Variants in DHRS7C observed in about 807,000 individuals in gnomAD.
The protein encoded by DHRS7C is dehydrogenase/reductase 7C, also known as dehydrogenase/reductase SDR family member 7C.
Under a neutral mutation model 29.6 loss-of-function variants are expected in DHRS7C, and 28 were observed. That is an observed-to-expected ratio of 0.95 (90% CI 0.70 to 1.30). The LOEUF (loss-of-function observed/expected upper bound fraction) is 1.30, where lower values mean the gene tolerates loss of function less well. DHRS7C is among the 50% of genes most tolerant of loss of function. DHRS7C has a pLI of 0.00. For missense variants in DHRS7C, 403 were observed against 393.3 expected (o/e 1.02, Z -0.21); for synonymous variants, 158 against 160.2 (o/e 0.99, Z 0.10).
intron 1 of DHRS7C, chr17:9,782,872 G>A (rs1852324087): frequency 6.6e-6 from 1 of 152,348 alleles, no homozygotes; most frequent in African/African-American, 2.4e-5. Flanking sequence ...TATCCCGAGT[G>A]TTGTGGCCTC....
intron 4 of DHRS7C, among the ~76,000 whole-genome samples, chr17:9,773,135 G>A (rs957532368): frequency 6.6e-6 from 1 of 152,174 alleles, no homozygotes; most frequent in African/African-American, 2.4e-5. Context: ...TTAGCCACTT[G>A]CTGGTGGTGT....
rs1010717610 is a variant in DHRS7C at position 9,775,624 on chromosome 17, T to C, written c.571+1569A>G. On this transcript the variant is annotated intron_variant, in intron 4 of 5. Transcript: ENST00000571134. This position sits in a 1 kb window ranked among gnomAD's most constrained non-coding sequence, Gnocchi z 4.2. ...CATCTGCTTGCCTGAGCCATTCCCA[T>C]TGAGGTTACTACATGGAGGAGTAAT... 6.6e-6 allele frequency among the ~76,000 whole-genome samples: 1 copy of C among 152,140 alleles called. No individual in the cohort carries two copies. The highest frequency in any genetic ancestry group is 1.5e-5 in the Non-Finnish European group (1 of 68,032).
chr17:9,779,942 C>T lies in DHRS7C; in HGVS notation c.361G>A (p.Asp121Asn). ...ACACTGGCATTGTTGATGAGGATGT[C>T]CACACAGCCATAGCAATCCAGGACT... ...KEVLDCYGCV[D>N]ILINNASVKV... The change falls in exon 3 of 6, where the codon GAC becomes AAC. Residue 121 changes from aspartate to asparagine, a missense_variant. Transcript: ENST00000571134. The T allele has an allele frequency of 1.2e-6, 2 of 1,613,912 alleles. No individual in the cohort carries two copies.
chr17:9,772,558 G>A (rs144131213), intron 5 of DHRS7C, among the ~76,000 whole-genome samples: 137 of 152,322 alleles, frequency 9.0e-4, no homozygotes, highest in African/African-American at 3.0e-3. Flanking sequence ...CGCATGGGCT[G>A]TAGGCTGCAG....
At chr17:9,789,036 A>G (rs1324505877) in intron 1 of DHRS7C, among the ~76,000 whole-genome samples, 2 of 152,178 alleles carry the variant, frequency 1.3e-5, no homozygotes, top group East Asian at 3.8e-4. Context: ...ACGTGTGACT[A>G]CAACTGAATG....
chr17:9,784,725 A>C (rs904883041), intron 1 of DHRS7C, among the ~76,000 whole-genome samples: 3 of 152,242 alleles, frequency 2.0e-5, no homozygotes, highest in Non-Finnish European at 4.4e-5. Context: ...AGGTGAGTCA[A>C]TACCAGTAAT....
At chr17:9,777,429 G>A (rs1366646693) in intron 3 of DHRS7C, 144 bp from the exon 4 acceptor site, 5 of 573,356 alleles carry the variant, frequency 8.7e-6, no homozygotes, top group Non-Finnish European at 1.5e-5. Flanking sequence ...GAGGTGGAAT[G>A]AGTCCTGCAA....
chr17:9,778,394 CAAAAAA>C (rs60847065), intron 3 of DHRS7C, among the ~76,000 whole-genome samples: 1 of 82,970 alleles, frequency 1.2e-5, no homozygotes, highest in Non-Finnish European at 2.5e-5. Context: ...GACTCCGTCT[CAAAAAA>C]AAAAAAAAAA....
At chr17:9,772,387 G>A (rs1019818515) in intron 5 of DHRS7C, among the ~76,000 whole-genome samples, 1 of 152,174 alleles carries the variant, frequency 6.6e-6, no homozygotes, top group African/African-American at 2.4e-5. Flanking sequence ...AGTGCAGGTG[G>A]CCTGGCTTTA....
At position 9,777,206 on chromosome 17, in the gene DHRS7C, C is replaced by T. The variant is rs892489854; in HGVS notation, c.558G>A (p.Pro186=). 8.7e-6 allele frequency: 14 copies of T among 1,613,066 alleles called. No homozygotes were observed. Among genetic ancestry groups the T allele is most frequent in the Middle Eastern group, 1.6e-4 (1 of 6,082 alleles). The change falls in exon 4 of 6, where the codon CCG becomes CCA. Residue 186 remains proline, a synonymous_variant. Transcript: ENST00000571134. ...VNNIQGKFGI[P]FRTTYAASKH... is the part of the protein sequence containing the mutation. ...TTAGCAACTTACAAGTCGTACGGAA[C>T]GGGATTCCAAACTTCCCTTGGATAT...
intron 2 of DHRS7C, among the ~76,000 whole-genome samples, chr17:9,780,652 A>G (rs2080511539): frequency 6.6e-6 from 1 of 152,182 alleles, no homozygotes; most frequent in Admixed American, 6.5e-5. Context: ...TTTGACAAAG[A>G]CTAGTCCTGA....
At chr17:9,778,752 G>A (rs2066376972) in intron 3 of DHRS7C, among the ~76,000 whole-genome samples, 2 of 152,164 alleles carry the variant, frequency 1.3e-5, no homozygotes, top group African/African-American at 4.8e-5. Flanking sequence ...ATTGTTAGAG[G>A]TACCCAGCAT....
chr17:9,781,678 A>G, intron 1 of DHRS7C, 84 bp from the exon 2 acceptor site: 3 of 1,391,374 alleles, frequency 2.2e-6, no homozygotes, highest in Non-Finnish European at 3.0e-6. Flanking sequence ...GAACTCATGA[A>G]TTCAAAAAAC....
chr17:9,789,003 T>C (rs1019293995), intron 1 of DHRS7C, among the ~76,000 whole-genome samples: 1 of 152,172 alleles, frequency 6.6e-6, no homozygotes, highest in South Asian at 2.1e-4. Flanking sequence ...ATGAGATGTA[T>C]TTCCTGGGTG....
rs1309017711 is a variant in DHRS7C at position 9,771,695 on chromosome 17, G to C, written c.729C>G (p.Phe243Leu). 1 of 1,481,936 alleles carries C rather than the reference G, an allele frequency of 6.7e-7. No individual in the cohort carries two copies. Among genetic ancestry groups the C allele is most frequent in the South Asian group, 1.4e-5 (1 of 71,732 alleles). 91.8% of individuals were successfully genotyped at this position (1,481,936 alleles called of 1,614,324 possible). A position where few individuals can be genotyped will look rare whatever the true frequency, so the allele number is the denominator to read the frequency against. ...CGCCGTAGGTCAGCTTCCTGAAAAA[G>C]ACTGAAAGGCCCCAGTTGGGGGCGG... ...QGNWEASIWK[F>L]FFRKLTYGVH... is the part of the protein sequence containing the mutation. Residue 243 changes from phenylalanine (F) to leucine (L), a missense_variant and splice_region_variant, in exon 6 of 6, where the codon TTC becomes TTG. Physicochemically the swap from Phe to Leu is conservative, Grantham distance 22 (BLOSUM62 0). Coordinates refer to ENST00000571134, the MANE Select transcript of DHRS7C (RefSeq NM_001105571.3).
chr17:9,773,069 A>C, intron 4 of DHRS7C, 147 bp from the exon 5 acceptor site: 1 of 1,006,514 alleles, frequency 9.9e-7, no homozygotes, highest in Non-Finnish European at 1.4e-6. Context: ...TCACTTTACA[A>C]ATGAGGACAG....
intron 4 of DHRS7C, among the ~76,000 whole-genome samples, chr17:9,776,346 C>A (rs2066362479): frequency 6.6e-6 from 1 of 152,162 alleles, no homozygotes; most frequent in South Asian, 2.1e-4. Context: ...AGGAAACCAG[C>A]CCTGCCGACA....
chr17:9,790,804 G>A (rs575560221), intron 1 of DHRS7C, among the ~76,000 whole-genome samples: 7 of 152,320 alleles, frequency 4.6e-5, no homozygotes, highest in African/African-American at 1.2e-4. Context: ...CTCACAACCA[G>A]TACATTGCCC....
At chr17:9,776,659 G>A (rs1799923387) in intron 4 of DHRS7C, among the ~76,000 whole-genome samples, 1 of 152,112 alleles carries the variant, frequency 6.6e-6, no homozygotes, top group Non-Finnish European at 1.5e-5. Flanking sequence ...ATACACCTAG[G>A]AGTCCTTCTC....
Sources: allele counts gnomAD v4.1 joint callset (sites outside exome capture counted in the v4.1 genomes callset), GRCh38; gene constraint gnomAD v4.1.1; non-coding constraint Gnocchi (gnomAD v3.1); transcripts MANE v1.5; gene names NCBI Gene and HGNC (gene_info 2026-07-23, HGNC 2026-07-21).